Variants in BARD1 observed in about 807,000 individuals in gnomAD.
BARD1 encodes BRCA1-associated RING domain protein 1.
In BARD1, 73 loss-of-function variants were observed where a neutral mutation model predicts 77.0. The ratio of observed to expected loss-of-function variants is 0.95; its 90% CI spans 0.79 to 1.15. BARD1 has a LOEUF of 1.15. BARD1 is among the 50% of genes most tolerant of loss of function. The probability of loss-of-function intolerance (pLI) is 0.00; values close to 1 mark genes in which losing one functional copy is unlikely to be tolerated. For missense variants in BARD1, 993 were observed against 938.8 expected (o/e 1.06, Z -0.75); for synonymous variants, 384 against 338.0 (o/e 1.14, Z -1.49).
intron 3 of BARD1, among the ~76,000 whole-genome samples, chr2:214,784,762 A>C (rs1695193981): frequency 6.6e-6 from 1 of 152,176 alleles, no homozygotes; most frequent in Non-Finnish European, 1.5e-5. Context: ...CATTCTCAGC[A>C]AACTAACACA....
rs28997574 is a variant in BARD1, at chr2:214,781,265, T to C, written c.609A>G (p.Gly203=). Residue 203 remains glycine (G), a synonymous_variant, in exon 4 of 11, where the codon GGA becomes GGG. Transcript: ENST00000260947. Reference sequence around the variant, plus strand: ...CTAAAGTTTTCTTTTTTTGCTTTTTTCCAGATCTTGCAGAAGCCTTTTTAG... The same window carrying C: ...CTAAAGTTTTCTTTTTTTGCTTTTTCCCAGATCTTGCAGAAGCCTTTTTAG... ...ERAKKASARS[G]KKQKKKTLAE... The C allele has an allele frequency of 2.5e-6, 4 of 1,596,216 alleles. No homozygotes were observed. Among genetic ancestry groups the C allele is most frequent in the African/African-American group, 1.4e-5 (1 of 73,516 alleles).
chr2:214,804,149 G>C (rs1186269306), intron 1 of BARD1, among the ~76,000 whole-genome samples: 3 of 152,110 alleles, frequency 2.0e-5, no homozygotes, highest in Non-Finnish European at 4.4e-5. Flanking sequence ...AAATGTGCAG[G>C]CTCACCAAGC....
chr2:214,801,738 A>T (rs1413085405), intron 1 of BARD1, among the ~76,000 whole-genome samples: 3 of 152,020 alleles, frequency 2.0e-5, no homozygotes, highest in Non-Finnish European at 4.4e-5. Context: ...CCAATTAATT[A>T]CATAAACCAA....
At chr2:214,783,604 C>G (rs897299429) in intron 3 of BARD1, among the ~76,000 whole-genome samples, 1 of 152,056 alleles carries the variant, frequency 6.6e-6, no homozygotes, top group African/African-American at 2.4e-5. Context: ...GGACAAATAC[C>G]TAATGCATGT....
At chr2:214,774,136 T>G (rs1694638732) in intron 4 of BARD1, among the ~76,000 whole-genome samples, 1 of 152,208 alleles carries the variant, frequency 6.6e-6, no homozygotes, top group African/African-American at 2.4e-5. Context: ...TCTAGTTATC[T>G]TGCTATTTCT....
chr2:214,735,428 CA>C (rs2051863036), intron 9 of BARD1, among the ~76,000 whole-genome samples: 1 of 152,160 alleles, frequency 6.6e-6, no homozygotes, highest in African/African-American at 2.4e-5. Flanking sequence ...CTACTCTGTA[CA>C]TGTCTACAAA....
chr2:214,764,137 G>A (rs910903645), intron 6 of BARD1, among the ~76,000 whole-genome samples: 4 of 152,202 alleles, frequency 2.6e-5, no homozygotes, highest in African/African-American at 7.2e-5. Context: ...GGTAGTGGCA[G>A]AAGGAGGCAA....
chr2:214,808,746 T>C (rs1483941572), intron 1 of BARD1, among the ~76,000 whole-genome samples: 19 of 152,212 alleles, frequency 1.2e-4, no homozygotes, highest in Non-Finnish European at 2.9e-5. Context: ...ATGAAAACCC[T>C]GAGAGGACTC....
At chr2:214,804,502 C>T (rs1039721530) in intron 1 of BARD1, among the ~76,000 whole-genome samples, 3 of 152,120 alleles carry the variant, frequency 2.0e-5, no homozygotes, top group Non-Finnish European at 2.9e-5. Context: ...TTGGAAGATA[C>T]GATACAAGCT....
intron 1 of BARD1, among the ~76,000 whole-genome samples, chr2:214,804,301 A>G (rs1696165749): frequency 6.6e-6 from 1 of 152,254 alleles, no homozygotes; most frequent in South Asian, 2.1e-4. Flanking sequence ...TACCACTTGC[A>G]AAGGCCCTTC....
At chr2:214,740,902 G>GT (rs957635041) in intron 9 of BARD1, among the ~76,000 whole-genome samples, 18 of 150,526 alleles carry the variant, frequency 1.2e-4, no homozygotes, top group African/African-American at 2.2e-4. Flanking sequence ...TTATACGAAT[G>GT]TTTTTTTTTA....
At chr2:214,773,417 A>G (rs913638980) in intron 4 of BARD1, among the ~76,000 whole-genome samples, 1 of 152,216 alleles carries the variant, frequency 6.6e-6, no homozygotes, top group African/African-American at 2.4e-5. Flanking sequence ...ACTGGAATGA[A>G]GCTCTAAAAT....
In BARD1 at chr2:214,765,574, A is replaced by G. The variant is rs886065795; in HGVS notation, c.1568+1908T>C. 2.0e-5 allele frequency among the ~76,000 whole-genome samples: 3 copies of G among 152,296 alleles called. No individual in the cohort carries two copies. In the East Asian group the frequency reaches 5.8e-4, roughly 29 times the overall value. The stretch of plus-strand genomic sequence containing the variant: ...CGCCCTGACCAGTGCTCCATCCATT[A>G]AAGTAGTCATGGCTGATTTAAGAAC... On this transcript the variant is annotated intron_variant, in intron 6 of 10. Transcript: ENST00000260947.
At chr2:214,798,772 GAAA>G (rs10707828) in intron 1 of BARD1, among the ~76,000 whole-genome samples, 3,727 of 127,512 alleles carry the variant, frequency 0.029, 149 homozygotes, top group African/African-American at 0.1. Flanking sequence ...ATTAAAAAAA[GAAA>G]AAAAAAAAAA....
At chr2:214,757,456 T>C (rs1376425796) in intron 6 of BARD1, among the ~76,000 whole-genome samples, 2 of 152,154 alleles carry the variant, frequency 1.3e-5, no homozygotes, top group Non-Finnish European at 2.9e-5. Flanking sequence ...CTTTTTGCTA[T>C]CTAAAATGTA....
intron 1 of BARD1, among the ~76,000 whole-genome samples, chr2:214,805,567 G>A (rs1187122433): frequency 6.6e-6 from 1 of 152,016 alleles, no homozygotes; most frequent in East Asian, 1.9e-4. Flanking sequence ...CACAGCTCAA[G>A]GCATCTTATG....
intron 3 of BARD1, among the ~76,000 whole-genome samples, chr2:214,789,726 G>A (rs968468559): frequency 3.3e-5 from 5 of 151,866 alleles, no homozygotes; most frequent in Non-Finnish European, 7.4e-5. Flanking sequence ...GTGTAGCCTG[G>A]GTCCTCAGTT....
At chr2:214,729,097 G>A in intron 10 of BARD1, 89 bp from the exon 11 acceptor site, 1 of 1,371,610 alleles carries the variant, frequency 7.3e-7, no homozygotes, top group Non-Finnish European at 1.0e-6. Context: ...AAAAATACAA[G>A]TTGAATATCC....
intron 6 of BARD1, among the ~76,000 whole-genome samples, chr2:214,756,510 G>A (rs578135970): frequency 1.3e-5 from 2 of 152,240 alleles, no homozygotes; most frequent in East Asian, 3.9e-4. Context: ...GTCATGATAT[G>A]AAAAAGATAC....
Sources: gnomAD v4.1 joint callset for allele counts (sites outside exome capture counted in the v4.1 genomes callset) on GRCh38, gnomAD v4.1.1 for gene constraint, MANE v1.5 for transcripts, NCBI Gene and HGNC (gene_info 2026-07-23, HGNC 2026-07-21) for gene names.